The following PTH2R variants were observed in gnomAD, a reference collection of about 807,000 sequenced individuals.
PTH2R encodes parathyroid hormone 2 receptor.
Under a neutral mutation model 60.3 loss-of-function variants are expected in PTH2R, and 59 were observed. That is an observed-to-expected ratio of 0.98 (90% CI 0.79 to 1.22). PTH2R has a LOEUF of 1.22. PTH2R is among the 50% of genes most tolerant of loss of function. The probability of loss-of-function intolerance (pLI) is 0.00; values close to 1 mark genes in which losing one functional copy is unlikely to be tolerated. For missense variants in PTH2R, 749 were observed against 682.6 expected, an observed-to-expected ratio of 1.10 and a Z score of -1.08; for synonymous variants, 256 against 243.8, an observed-to-expected ratio of 1.05 and a Z score of -0.47.
chr2:208,443,595 C>A, intron 6 of PTH2R, 58 bp downstream of exon 6: 1 of 1,392,936 alleles, frequency 7.2e-7, no homozygotes, highest in Non-Finnish European at 9.7e-7. Flanking sequence ...CAAATAAGTA[C>A]AATTTTACAG....
At chr2:208,376,935 G>A (rs2125873491) in intron 1 of PTH2R, among the ~76,000 whole-genome samples, 1 of 151,720 alleles carries the variant, frequency 6.6e-6, no homozygotes, top group South Asian at 2.1e-4. Context: ...GATTTGGCAG[G>A]GTCATAGGAT....
chr2:208,364,638 T>G (rs1246757343), intron 1 of PTH2R, among the ~76,000 whole-genome samples: 1 of 152,140 alleles, frequency 6.6e-6, no homozygotes, highest in Non-Finnish European at 1.5e-5. Flanking sequence ...TTTTCAAAAT[T>G]GTTTGACTCT....
intron 6 of PTH2R, among the ~76,000 whole-genome samples, 187 bp downstream of exon 6, chr2:208,443,724 A>C (rs934203000): frequency 2.0e-5 from 3 of 152,168 alleles, no homozygotes; most frequent in African/African-American, 7.2e-5. Context: ...CAATCATTTT[A>C]TTAAAAGTTC....
chr2:208,388,139 C>CT, intron 1 of PTH2R, among the ~76,000 whole-genome samples: 1 of 149,546 alleles, frequency 6.7e-6, no homozygotes, highest in South Asian at 2.2e-4. Flanking sequence ...GAAACCCCCC[C>CT]CCCCGTCTCT....
intron 10 of PTH2R, among the ~76,000 whole-genome samples, chr2:208,486,814 C>T (rs1703284141): frequency 6.6e-6 from 1 of 152,202 alleles, no homozygotes; most frequent in Admixed American, 6.5e-5. Context: ...GAGGAACCCA[C>T]TGTTTATCAA....
intron 1 of PTH2R, among the ~76,000 whole-genome samples, chr2:208,377,830 A>G (rs1309136912): frequency 1.6e-4 from 24 of 148,806 alleles, no homozygotes; most frequent in African/African-American, 6.1e-4. Context: ...CCGGGCAGAG[A>G]CGCTCCTCAC....
intron 10 of PTH2R, among the ~76,000 whole-genome samples, chr2:208,486,139 G>A (rs1703268706): frequency 6.6e-6 from 1 of 152,210 alleles, no homozygotes; most frequent in Non-Finnish European, 1.5e-5. Context: ...TGTGGGCCAG[G>A]GGCCCAGGGT....
intron 1 of PTH2R, among the ~76,000 whole-genome samples, chr2:208,395,318 T>G (rs998720976): frequency 9.9e-5 from 15 of 152,104 alleles, no homozygotes; most frequent in African/African-American, 3.6e-4. Flanking sequence ...AAGTGCTGGA[T>G]TACAGGCATG....
chr2:208,367,524 G>A (rs1185791847), intron 1 of PTH2R, among the ~76,000 whole-genome samples: 4 of 145,964 alleles, frequency 2.7e-5, no homozygotes, highest in Admixed American at 2.1e-4. Context: ...AGACTCAAGC[G>A]ATTTCTGGCT....
At chr2:208,405,194 T>C (rs564288186), upstream of PTH2R, among the ~76,000 whole-genome samples, 1 of 152,296 alleles carries the variant, frequency 6.6e-6, no homozygotes, top group South Asian at 2.1e-4. Context: ...ACCTAAAAAA[T>C]TGATACTTTA....
intron 1 of PTH2R, among the ~76,000 whole-genome samples, chr2:208,380,134 T>C (rs1395400875): frequency 1.3e-5 from 2 of 152,048 alleles, no homozygotes; most frequent in African/African-American, 2.4e-5. Flanking sequence ...TCCCAGTAAA[T>C]GTTATTTTCC....
At chr2:208,453,335 C>T (rs909057602) in intron 8 of PTH2R, among the ~76,000 whole-genome samples, 3 of 152,202 alleles carry the variant, frequency 2.0e-5, no homozygotes, top group African/African-American at 7.2e-5. Context: ...AATATATCTG[C>T]ATTTCATGGT....
At chr2:208,447,191 T>C (rs903681475) in intron 7 of PTH2R, among the ~76,000 whole-genome samples, 2 of 152,148 alleles carry the variant, frequency 1.3e-5, no homozygotes, top group African/African-American at 4.8e-5. Flanking sequence ...AGGCTGGTCT[T>C]GAACCCCTGG....
chr2:208,386,878 C>T (rs1489666836), intron 1 of PTH2R, among the ~76,000 whole-genome samples: 1 of 152,132 alleles, frequency 6.6e-6, no homozygotes, highest in East Asian at 1.9e-4. Context: ...GGAATTAGGT[C>T]TTTAACATGT....
intron 8 of PTH2R, among the ~76,000 whole-genome samples, chr2:208,451,011 G>A (rs543644560): frequency 1.3e-5 from 2 of 152,030 alleles, no homozygotes; most frequent in Non-Finnish European, 2.9e-5. Flanking sequence ...AGAAACACTC[G>A]CAGACTAGAT....
intron 2 of PTH2R, among the ~76,000 whole-genome samples, chr2:208,432,675 C>T (rs1260179349): frequency 6.6e-6 from 1 of 152,166 alleles, no homozygotes; most frequent in Non-Finnish European, 1.5e-5. Flanking sequence ...GCCTCAAAAA[C>T]AGGGAAGCCT....
chr2:208,434,923 G>A (rs373358058), intron 2 of PTH2R, among the ~76,000 whole-genome samples: 1 of 152,160 alleles, frequency 6.6e-6, no homozygotes, highest in Non-Finnish European at 1.5e-5. Flanking sequence ...AGTGGGATGG[G>A]CTCCTGCCTT....
At chr2:208,436,746 C>T (rs1702082772) in intron 2 of PTH2R, among the ~76,000 whole-genome samples, 1 of 152,118 alleles carries the variant, frequency 6.6e-6, no homozygotes, top group African/African-American at 2.4e-5. Flanking sequence ...GGGCTTGGAA[C>T]TGAGTCTGGA....
At chr2:208,388,283 C>A (rs1021020125) in intron 1 of PTH2R, among the ~76,000 whole-genome samples, 3 of 152,084 alleles carry the variant, frequency 2.0e-5, no homozygotes, top group African/African-American at 7.2e-5. Context: ...CGCCACTGCA[C>A]TCCAGCCTGG....
Sources: allele counts gnomAD v4.1 joint callset (sites outside exome capture counted in the v4.1 genomes callset), GRCh38; gene constraint gnomAD v4.1.1; transcripts MANE v1.5; gene names NCBI Gene and HGNC (gene_info 2026-07-23, HGNC 2026-07-21).